The following RNF212 variants were observed in gnomAD, a reference collection of about 807,000 sequenced individuals.
The protein encoded by RNF212 is probable E3 SUMO-protein ligase RNF212.
RNF212 carries 33 observed loss-of-function variants against 34.7 expected under a neutral mutation model. That is an observed-to-expected ratio of 0.95 (90% CI 0.72 to 1.27). The LOEUF is 1.27. Among genes scored for constraint, RNF212 ranks in the 50% most tolerant of loss-of-function variants. The probability of loss-of-function intolerance (pLI) is 0.00; values close to 1 mark genes in which losing one functional copy is unlikely to be tolerated. For missense variants in RNF212, 377 were observed against 362.2 expected (o/e 1.04, Z -0.33); for synonymous variants, 140 against 136.1 (o/e 1.03, Z -0.20).
chr4:1,080,661 A>G (rs925606540), intron 7 of RNF212, among the ~76,000 whole-genome samples: 13 of 151,820 alleles, frequency 8.6e-5, no homozygotes, highest in Admixed American at 3.9e-4. Context: ...CTGAGCCCCA[A>G]TAAAGGTGCT....
intron 9 of RNF212, 25 bp downstream of exon 9, chr4:1,073,574 T>C: frequency 6.6e-7 from 1 of 1,506,468 alleles, no homozygotes; most frequent in Non-Finnish European, 9.2e-7. Flanking sequence ...TGTATCGGTC[T>C]GAGGTTACAG....
At chr4:1,075,398 T>C (rs948314353) in intron 8 of RNF212, among the ~76,000 whole-genome samples, 2 of 152,172 alleles carry the variant, frequency 1.3e-5, no homozygotes, top group Non-Finnish European at 2.9e-5. Flanking sequence ...TGGGGAGGCC[T>C]TGGGAGGCTA....
chr4:1,102,718 G>C (rs887546576), intron 2 of RNF212, among the ~76,000 whole-genome samples: 4 of 148,624 alleles, frequency 2.7e-5, no homozygotes, highest in Non-Finnish European at 4.4e-5. Context: ...CGGGCGTGGT[G>C]GTGGGCCCCT....
intron 9 of RNF212, 150 bp downstream of exon 9, chr4:1,073,449 T>C (rs1718756517): frequency 1.2e-5 from 9 of 730,504 alleles, no homozygotes; most frequent in South Asian, 1.1e-4. Context: ...AGCTGCACCA[T>C]TTTGGTGAAT....
chr4:1,084,442 C>T (rs1720851063), intron 5 of RNF212, among the ~76,000 whole-genome samples: 1 of 152,068 alleles, frequency 6.6e-6, no homozygotes, highest in Non-Finnish European at 1.5e-5. Context: ...CATGAAAATA[C>T]ATTGTGGCCG....
At chr4:1,062,857 G>C (rs116596158) in intron 3 of RNF212, among the ~76,000 whole-genome samples, 2,270 of 152,266 alleles carry the variant, frequency 0.015, 60 homozygotes, top group African/African-American at 0.052. Flanking sequence ...AAACTCAGTA[G>C]ATTGCAGGAT....
chr4:1,066,335 TTTC>T (rs1160671957), intron 3 of RNF212, among the ~76,000 whole-genome samples: 1 of 152,190 alleles, frequency 6.6e-6, no homozygotes, highest in Non-Finnish European at 1.5e-5. Flanking sequence ...GCCCTCCGCT[TTTC>T]TTTTTTCTGA....
intron 4 of RNF212, among the ~76,000 whole-genome samples, chr4:1,090,349 T>C (rs652063): frequency 0.81 from 123,613 of 152,126 alleles, 50,967 homozygotes; most frequent in African/African-American, 0.95. Context: ...CTTCCAGACT[T>C]GGGGAAGCGG....
intron 2 of RNF212, chr4:1,099,825 G>A (rs1321083833): frequency 1.3e-5 from 6 of 456,138 alleles, no homozygotes; most frequent in South Asian, 3.1e-5. Context: ...GTCCGACGGC[G>A]CAAGCGGACA....
rs376596631 is a variant in RNF212, at chr4:1,107,693, G to A, written c.171+650C>T. ...TCTTGATCTCCTGATCTCGTGATCCGCCCATCTTGGCCTCCCAAAGTGCTG... is the reference window on the plus strand; with the variant it reads ...TCTTGATCTCCTGATCTCGTGATCCACCCATCTTGGCCTCCCAAAGTGCTG... On this transcript the variant is annotated intron_variant, in intron 2 of 9. Transcript: ENST00000433731. Among the ~76,000 whole-genome samples, 45 of 151,810 alleles carry A rather than the reference G, an allele frequency of 3.0e-4. 1 individual carries two copies. In the East Asian group the frequency reaches 5.3e-3, roughly 18 times the overall value.
intron 4 of RNF212, among the ~76,000 whole-genome samples, chr4:1,087,843 C>A (rs1721586020): frequency 6.6e-6 from 1 of 151,942 alleles, no homozygotes; most frequent in African/African-American, 2.4e-5. Context: ...CCCTCTCCTG[C>A]CGCTATGTAA....
chr4:1,058,379 G>A (rs947758589), exon 4 of RNF212: 29 of 982,152 alleles, frequency 3.0e-5, no homozygotes, highest in Non-Finnish European at 3.5e-5. Context: ...TCGGGGCCCA[G>A]GGAGGAGACG....
chr4:1,082,388 C>A (rs1261726360), intron 5 of RNF212, among the ~76,000 whole-genome samples: 1 of 152,150 alleles, frequency 6.6e-6, no homozygotes, highest in Non-Finnish European at 1.5e-5. Flanking sequence ...GGGAGCGTGT[C>A]TGTTTCTGTG....
chr4:1,097,773 G>A (rs1723289284), intron 2 of RNF212, among the ~76,000 whole-genome samples: 2 of 152,216 alleles, frequency 1.3e-5, no homozygotes, highest in African/African-American at 2.4e-5. Flanking sequence ...AGCTAGAATC[G>A]CTTGAGCAGT....
intron 3 of RNF212, 95 bp downstream of exon 3, chr4:1,096,670 T>C: frequency 1.3e-6 from 1 of 779,622 alleles, no homozygotes; most frequent in Non-Finnish European, 2.2e-6. Context: ...TGCACCTGGC[T>C]CATCACAGAA....
At chr4:1,064,388 T>C (rs1376073433) in intron 3 of RNF212, among the ~76,000 whole-genome samples, 1 of 152,202 alleles carries the variant, frequency 6.6e-6, no homozygotes, top group Non-Finnish European at 1.5e-5. Context: ...AGCACACAGA[T>C]AAAGTATCAA....
rs978957178 is a variant in RNF212, at chr4:1,098,447, C to T, written c.172-1608G>A. On this transcript the variant is annotated intron_variant, in intron 2 of 9. Coordinates refer to ENST00000433731, the MANE Select transcript of RNF212 (RefSeq NM_001131034.4). The stretch of plus-strand genomic sequence containing the variant: ...ATCCACTCCAGAATCCACTCCCAGG[C>T]TCCCAGAGGCAGAGGCCAAGCAGAG... Among the ~76,000 whole-genome samples, 4 of 152,216 alleles carry T rather than the reference C, an allele frequency of 2.6e-5. No homozygotes were observed. In the South Asian group the frequency reaches 6.2e-4, roughly 24 times the overall value.
intron 4 of RNF212, among the ~76,000 whole-genome samples, chr4:1,090,505 G>A (rs980824764): frequency 6.6e-6 from 1 of 152,224 alleles, no homozygotes; most frequent in African/African-American, 2.4e-5. Context: ...CAAGGCCCCA[G>A]TGTTGCCCCA....
chr4:1,109,431 C>T (rs1725316340), intron 1 of RNF212, among the ~76,000 whole-genome samples: 4 of 152,224 alleles, frequency 2.6e-5, no homozygotes, highest in Admixed American at 2.0e-4. Flanking sequence ...TGAGCCTTCA[C>T]ACTCCTGTCA....
Sources: gnomAD v4.1 joint callset for allele counts (sites outside exome capture counted in the v4.1 genomes callset) on GRCh38, gnomAD v4.1.1 for gene constraint, MANE v1.5 for transcripts, NCBI Gene and HGNC (gene_info 2026-07-23, HGNC 2026-07-21) for gene names.